ATP6V1A: variants seen among roughly 807,000 people sequenced by gnomAD.
ATP6V1A encodes the protein ATPase H+ transporting V1 subunit A.
Under a neutral mutation model 70.1 loss-of-function variants are expected in ATP6V1A, and 18 were observed. The observed-to-expected ratio is 0.26, with a 90% CI of 0.18 to 0.38. The LOEUF is 0.38. Ranked by LOEUF, ATP6V1A falls within the 10% of genes least tolerant of loss-of-function variation. The probability of loss-of-function intolerance (pLI) is 1.00; values close to 1 mark genes in which losing one functional copy is unlikely to be tolerated. For missense variants in ATP6V1A, 424 were observed against 772.4 expected, an observed-to-expected ratio of 0.55 and a Z score of 5.35; for synonymous variants, 232 against 253.8, an observed-to-expected ratio of 0.91 and a Z score of 0.82.
At chr3:113,760,588 C>T (rs544676757) in intron 1 of ATP6V1A, among the ~76,000 whole-genome samples, 7 of 148,364 alleles carry the variant, frequency 4.7e-5, no homozygotes, top group Admixed American at 1.4e-4. Flanking sequence ...ATTAGCTGGG[C>T]GTGGTGGCGG....
At chr3:113,769,632 A>G (rs1335645011) in intron 1 of ATP6V1A, among the ~76,000 whole-genome samples, 3 of 152,226 alleles carry the variant, frequency 2.0e-5, no homozygotes, top group African/African-American at 7.2e-5. Context: ...TACCAGTTGC[A>G]TTAACCAGCA....
chr3:113,794,137 A>G (rs924925085), intron 8 of ATP6V1A, among the ~76,000 whole-genome samples: 1 of 152,202 alleles, frequency 6.6e-6, no homozygotes, highest in African/African-American at 2.4e-5. Context: ...TACTGTCTAA[A>G]TTTACAGGAT....
intron 1 of ATP6V1A, among the ~76,000 whole-genome samples, chr3:113,761,371 A>ATT (rs752337436): frequency 2.8e-5 from 4 of 144,182 alleles, no homozygotes; most frequent in African/African-American, 1.0e-4. Flanking sequence ...GCTGCTCATG[A>ATT]TTTTTTTTTT....
intron 1 of ATP6V1A, among the ~76,000 whole-genome samples, chr3:113,774,727 C>T (rs1019162826): frequency 2.0e-5 from 3 of 151,678 alleles, no homozygotes; most frequent in African/African-American, 7.3e-5. Flanking sequence ...GCACAAGAAT[C>T]GCTTGAACCT....
intron 2 of ATP6V1A, among the ~76,000 whole-genome samples, chr3:113,780,414 T>C (rs917587765): frequency 2.6e-5 from 4 of 152,240 alleles, no homozygotes; most frequent in Non-Finnish European, 4.4e-5. Flanking sequence ...GTAAATGGAA[T>C]TCCATTGACA....
chr3:113,769,130 G>A (rs978072978), intron 1 of ATP6V1A, among the ~76,000 whole-genome samples: 3 of 152,306 alleles, frequency 2.0e-5, no homozygotes, highest in East Asian at 3.9e-4. Context: ...ATTCTAATAG[G>A]ATTGCTAGGT....
chr3:113,751,742 G>A (rs950196875), intron 1 of ATP6V1A, among the ~76,000 whole-genome samples: 5 of 151,332 alleles, frequency 3.3e-5, no homozygotes, highest in African/African-American at 1.2e-4. Context: ...CAATGTGTGT[G>A]TATGTATATA....
At chr3:113,805,610 C>A in intron 14 of ATP6V1A, 85 bp downstream of exon 14, 3 of 1,343,216 alleles carry the variant, frequency 2.2e-6, no homozygotes, top group Non-Finnish European at 3.1e-6. Context: ...CACTCTGTTG[C>A]GAGGCTGGAG....
chr3:113,784,297 G>A lies in ATP6V1A; in HGVS notation c.285G>A (p.Met95Ile). The change falls in exon 4 of 15, where the codon ATG becomes ATA. Residue 95 changes from methionine to isoleucine, a missense_variant. By Grantham distance (10) the Met-to-Ile change is conservative (BLOSUM62 1). This residue lies in a region of ATP6V1A where 139 missense variants were observed against 163.5 expected (regional missense o/e 0.85). Coordinates refer to ENST00000273398, the MANE Select transcript of ATP6V1A (RefSeq NM_001690.4). ...CTGTAGAGCTTGGTCCTGGCATTATGGGAGCCATTTTTGATGGTATTCAAA... is the reference window on the plus strand; with the variant it reads ...CTGTAGAGCTTGGTCCTGGCATTATAGGAGCCATTTTTGATGGTATTCAAA... The part of the protein sequence containing the change: ...PLSVELGPGI[M>I]GAIFDGIQRP... The A allele has an allele frequency of 6.2e-7, 1 of 1,614,148 alleles. No individual in the cohort carries two copies. The highest frequency in any genetic ancestry group is 8.5e-7 in the Non-Finnish European group (1 of 1,180,018).
chr3:113,767,086 C>CTTTTTTTTTT (rs369126041), intron 1 of ATP6V1A, among the ~76,000 whole-genome samples: 2 of 107,844 alleles, frequency 1.9e-5, no homozygotes, highest in African/African-American at 3.6e-5. Flanking sequence ...GATGTTATGT[C>CTTTTTTTTTT]TTTTTTTTTT....
chr3:113,788,774 T>A lies in ATP6V1A; in HGVS notation c.778T>A (p.Ser260Thr). Residue 260 changes from serine (S) to threonine (T), a missense_variant, in exon 7 of 15, where the codon TCA (serine) becomes ACA (threonine). Physicochemically the swap from Ser to Thr is moderately conservative, Grantham distance 58. Around this residue, in one of 9 missense-constraint regions of ATP6V1A, gnomAD observed 8 missense variants for 41.8 expected, o/e 0.19. Transcript: ENST00000273398. ...GAFGCGKTVISQSLSKYSNSD... is the reference protein window; with the variant it reads ...GAFGCGKTVITQSLSKYSNSD... ...CTTTGGCTGTGGAAAGACAGTGATA[T>A]CACAGTCTCTATCCAAGTATTCTAA... is the stretch of plus-strand genomic sequence containing the variant. 1.2e-6 allele frequency: 2 copies of A among 1,614,010 alleles called. No homozygotes were observed. Among genetic ancestry groups the A allele is most frequent in the Non-Finnish European group, 1.7e-6 (2 of 1,179,896 alleles).
intron 1 of ATP6V1A, among the ~76,000 whole-genome samples, chr3:113,765,381 G>C (rs941549393): frequency 2.6e-5 from 4 of 152,172 alleles, no homozygotes; most frequent in Non-Finnish European, 5.9e-5. Flanking sequence ...GACGCGGGCA[G>C]TTCACCTGAG....
intron 5 of ATP6V1A, among the ~76,000 whole-genome samples, chr3:113,785,629 C>A (rs1431549728): frequency 1.3e-5 from 2 of 149,678 alleles, no homozygotes; most frequent in Admixed American, 1.3e-4. Flanking sequence ...TCACCTCAGC[C>A]TCCCAAGTAC....
intron 1 of ATP6V1A, among the ~76,000 whole-genome samples, chr3:113,768,798 G>T (rs1436603599): frequency 6.6e-6 from 1 of 151,988 alleles, no homozygotes; most frequent in African/African-American, 2.4e-5. Flanking sequence ...ATTTCGCCAC[G>T]TTGGCCAGGC....
intron 8 of ATP6V1A, among the ~76,000 whole-genome samples, chr3:113,792,477 A>G (rs2108036319): frequency 6.6e-6 from 1 of 152,212 alleles, no homozygotes; most frequent in East Asian, 1.9e-4. Context: ...AGCTGAGGCT[A>G]CAGACATGAG....
At chr3:113,772,559 C>T (rs921496787) in intron 1 of ATP6V1A, among the ~76,000 whole-genome samples, 1 of 152,146 alleles carries the variant, frequency 6.6e-6, no homozygotes, top group East Asian at 1.9e-4. Context: ...AATCCCGTCT[C>T]TACTAAAAAT....
intron 8 of ATP6V1A, 93 bp downstream of exon 8, chr3:113,789,933 T>A: frequency 1.1e-6 from 1 of 918,240 alleles, no homozygotes; most frequent in Non-Finnish European, 1.7e-6. Flanking sequence ...ACTTTCATTC[T>A]AAAATATCTC....
intron 1 of ATP6V1A, among the ~76,000 whole-genome samples, chr3:113,763,016 T>C (rs926905512): frequency 6.6e-5 from 10 of 152,170 alleles, no homozygotes; most frequent in African/African-American, 1.4e-4. Context: ...TAAACCCAAA[T>C]TGACCTTTTC....
Position 113,798,229 on chromosome 3 carries a change from T to TG in ATP6V1A, c.1291-14_1291-13insG, listed in dbSNP as rs1407858272. 11 of 1,608,506 alleles carry TG rather than the reference T, an allele frequency of 6.8e-6. No individual in the cohort carries two copies. Among genetic ancestry groups the TG allele is most frequent in the African/African-American group, 5.5e-5 (4 of 73,284 alleles). ...AAAAATTACTGTTTTTGTGTGTGTG[T>TG]TTTTTTTAATCAGGTGTTCTGGGGC... On this transcript the variant is annotated splice_polypyrimidine_tract_variant and intron_variant, in intron 11 of 14. Transcript: ENST00000273398.
Sources: allele counts gnomAD v4.1 joint callset (sites outside exome capture counted in the v4.1 genomes callset), GRCh38; gene constraint gnomAD v4.1.1; regional missense constraint gnomAD v4.1.1; transcripts MANE v1.5; gene names NCBI Gene and HGNC (gene_info 2026-07-23, HGNC 2026-07-21).